The following FKBP5 variants were observed in gnomAD, a reference collection of about 807,000 sequenced individuals.
FKBP5 encodes the protein FKBP prolyl isomerase 5.
Under a neutral mutation model 50.5 loss-of-function variants are expected in FKBP5, and 23 were observed. The observed-to-expected ratio is 0.46, with a 90% CI of 0.33 to 0.65. The LOEUF is 0.65. Among genes scored for constraint, FKBP5 ranks in the 30% least tolerant of loss-of-function variants. FKBP5 has a pLI of 0.02. For missense variants in FKBP5, 411 were observed against 553.1 expected, an observed-to-expected ratio of 0.74 and a Z score of 2.58; for synonymous variants, 176 against 190.6, an observed-to-expected ratio of 0.92 and a Z score of 0.63.
chr6:35,728,403 C>G (rs1766768688), intron 1 of FKBP5: 1 of 152,340 alleles, frequency 6.6e-6, no homozygotes, highest in Non-Finnish European at 1.5e-5. Flanking sequence ...AGCCTGAGCG[C>G]AGCAGGCTCT....
intron 1 of FKBP5, among the ~76,000 whole-genome samples, chr6:35,653,497 T>C (rs1462023196): frequency 1.3e-5 from 2 of 152,198 alleles, no homozygotes. Flanking sequence ...TGGAGTTATC[T>C]TGAGAACATG....
At chr6:35,659,882 G>T (rs1765043689) in intron 1 of FKBP5, among the ~76,000 whole-genome samples, 1 of 82,574 alleles carries the variant, frequency 1.2e-5, no homozygotes, top group African/African-American at 3.7e-5. Context: ...CACTAATTTT[G>T]GCTTTTATCC....
intron 7 of FKBP5, among the ~76,000 whole-genome samples, chr6:35,589,904 C>T (rs895784071): frequency 6.6e-6 from 1 of 152,168 alleles, no homozygotes; most frequent in East Asian, 1.9e-4. Flanking sequence ...CAAAGCAGGC[C>T]TCCCCTCACT....
chr6:35,716,162 A>G (rs577573449), intron 2 of FKBP5, among the ~76,000 whole-genome samples: 1 of 152,202 alleles, frequency 6.6e-6, no homozygotes, highest in African/African-American at 2.4e-5. Flanking sequence ...GCTTGAGGCC[A>G]GGAGTTCGAG....
intron 5 of FKBP5, among the ~76,000 whole-genome samples, chr6:35,611,224 C>T (rs1581813292): frequency 1.3e-5 from 2 of 152,296 alleles, no homozygotes; most frequent in East Asian, 3.9e-4. Context: ...TCCTTTCCAG[C>T]ACTATTATTG....
chr6:35,617,479 C>G (rs1434080099), intron 5 of FKBP5, among the ~76,000 whole-genome samples: 1 of 151,988 alleles, frequency 6.6e-6, no homozygotes, highest in African/African-American at 2.4e-5. Context: ...CAGGTGCACA[C>G]CATTACACCT....
intron 1 of FKBP5, among the ~76,000 whole-genome samples, chr6:35,672,061 G>T (rs577642670): frequency 6.6e-6 from 1 of 152,150 alleles, no homozygotes; most frequent in African/African-American, 2.4e-5. Flanking sequence ...GTAGAGACTG[G>T]GTTTCATTGT....
chr6:35,584,719 G>A, intron 8 of FKBP5: 2 of 985,446 alleles, frequency 2.0e-6, no homozygotes, highest in Non-Finnish European at 1.2e-6. Context: ...AAAGTCTCAG[G>A]TCAGTGGTTT....
chr6:35,684,977 G>T (rs563809495), intron 1 of FKBP5, among the ~76,000 whole-genome samples: 169 of 151,894 alleles, frequency 1.1e-3, no homozygotes, highest in African/African-American at 3.6e-3. Flanking sequence ...TGGGCAGGAG[G>T]ATCTCTTGAG....
intron 2 of FKBP5, among the ~76,000 whole-genome samples, chr6:35,706,017 G>A (rs1766306577): frequency 6.6e-6 from 1 of 152,234 alleles, no homozygotes. Flanking sequence ...GGCTGAGGCA[G>A]GAGAATCACT....
intron 2 of FKBP5, among the ~76,000 whole-genome samples, chr6:35,640,265 G>T (rs1764444882): frequency 6.6e-6 from 1 of 152,192 alleles, no homozygotes; most frequent in East Asian, 1.9e-4. Flanking sequence ...TTGGCCTACT[G>T]CTCCAAGGCT....
intron 4 of FKBP5, among the ~76,000 whole-genome samples, chr6:35,619,567 G>A (rs928913137): frequency 2.6e-5 from 4 of 152,212 alleles, no homozygotes; most frequent in African/African-American, 9.6e-5. Flanking sequence ...CTGGGTTTAT[G>A]GAGTTCCCTT....
At chr6:35,602,295 A>G (rs1459392838) in intron 5 of FKBP5, among the ~76,000 whole-genome samples, 1 of 152,094 alleles carries the variant, frequency 6.6e-6, no homozygotes, top group African/African-American at 2.4e-5. Context: ...AAAAGCTGTA[A>G]ATGCTCCAGC....
At chr6:35,685,055 C>T (rs890397857) in intron 1 of FKBP5, among the ~76,000 whole-genome samples, 2 of 149,220 alleles carry the variant, frequency 1.3e-5, no homozygotes, top group African/African-American at 2.5e-5. Context: ...AGCAAGACCC[C>T]GACTCAAAAA....
chr6:35,625,241 G>A (rs1288657626), intron 3 of FKBP5, among the ~76,000 whole-genome samples: 1 of 152,058 alleles, frequency 6.6e-6, no homozygotes, highest in Non-Finnish European at 1.5e-5. Context: ...GTGCCACTAC[G>A]CTTAGGTAAT....
At chr6:35,641,039 T>A (rs917225503) in intron 2 of FKBP5, among the ~76,000 whole-genome samples, 1 of 152,212 alleles carries the variant, frequency 6.6e-6, no homozygotes, top group Non-Finnish European at 1.5e-5. Context: ...AATGCAGTGG[T>A]ATGATCATAG....
chr6:35,619,967 AC>A (rs1318217749), intron 4 of FKBP5, among the ~76,000 whole-genome samples, 164 bp downstream of exon 4: 3 of 152,140 alleles, frequency 2.0e-5, no homozygotes, highest in Non-Finnish European at 4.4e-5. Context: ...TGGCACGCGC[AC>A]CCTTGGGTTT....
At chr6:35,711,148 T>A (rs1327301537) in intron 2 of FKBP5, among the ~76,000 whole-genome samples, 1 of 151,892 alleles carries the variant, frequency 6.6e-6, no homozygotes, top group Non-Finnish European at 1.5e-5. Context: ...GGTGAAACTC[T>A]GTTTCTACAA....
intron 1 of FKBP5, among the ~76,000 whole-genome samples, chr6:35,725,112 C>G (rs1438374034): frequency 6.6e-6 from 1 of 152,188 alleles, no homozygotes; most frequent in Admixed American, 6.5e-5. Flanking sequence ...ACGTATTGAT[C>G]TCTCAATATC....
Sources: allele counts gnomAD v4.1 joint callset (sites outside exome capture counted in the v4.1 genomes callset), GRCh38; gene constraint gnomAD v4.1.1; transcripts MANE v1.5; gene names NCBI Gene and HGNC (gene_info 2026-07-23, HGNC 2026-07-21).